The following DSCAM variants were observed in gnomAD, a reference collection of about 807,000 sequenced individuals.
DSCAM encodes the protein cell adhesion molecule DSCAM.
A neutral mutation model predicts 217.7 loss-of-function variants in DSCAM; 47 were observed. The ratio of observed to expected loss-of-function variants is 0.22; its 90% CI spans 0.17 to 0.28. The LOEUF (loss-of-function observed/expected upper bound fraction) is 0.28. Among genes scored for constraint, DSCAM ranks in the 10% least tolerant of loss-of-function variants. The pLI is 1.00. For missense variants in DSCAM, 2,080 were observed against 2,618.3 expected (o/e 0.79, Z 4.49); for synonymous variants, 1,056 against 1,015.3 (o/e 1.04, Z -0.76).
chr21:40,577,871 A>C (rs1483941280), intron 3 of DSCAM, among the ~76,000 whole-genome samples: 1 of 152,148 alleles, frequency 6.6e-6, no homozygotes, highest in African/African-American at 2.4e-5. Flanking sequence ...GGAACTGCGG[A>C]TACAGCTCGC....
intron 8 of DSCAM, among the ~76,000 whole-genome samples, chr21:40,317,114 G>A (rs1196398751): frequency 6.6e-6 from 1 of 152,172 alleles, no homozygotes; most frequent in East Asian, 1.9e-4. Flanking sequence ...GCAGCCACAG[G>A]GCTATTTACT....
chr21:40,187,311 A>C lies in DSCAM; in HGVS notation c.2651-52T>G, dbSNP rs372008786. 1.6e-5 allele frequency: 25 copies of C among 1,604,666 alleles called. No homozygotes were observed. The African/African-American group carries it at 3.2e-4, about 21-fold the overall frequency. ...GTTAGTTCAAACAGAGCTCTGACAT[A>C]AAACGCTAGTGGAAATGCTGAGCGT... On this transcript the variant is annotated intron_variant, in intron 13 of 32. Transcript: ENST00000400454.
intron 1 of DSCAM, among the ~76,000 whole-genome samples, chr21:40,755,215 A>G (rs1321087977): frequency 6.6e-6 from 1 of 152,158 alleles, no homozygotes; most frequent in African/African-American, 2.4e-5. Flanking sequence ...TGGGAGGCAG[A>G]GGTGGGCGGA....
intron 28 of DSCAM, among the ~76,000 whole-genome samples, chr21:40,058,402 T>C (rs534780397): frequency 1.3e-5 from 2 of 152,298 alleles, no homozygotes; most frequent in South Asian, 4.1e-4. Flanking sequence ...CTCTAGCATA[T>C]ACTTAGTTGA....
At position 40,080,192 on chromosome 21, in the gene DSCAM, C is replaced by A. The variant is rs200427833; in HGVS notation, c.4380G>T (p.Gly1460=). The change falls in exon 25 of 33, where the codon GGG becomes GGT. Residue 1460 remains glycine (G), a synonymous_variant. Transcript: ENST00000400454. ...TTGCTTCTATGATTTCACTTATGCGCCCTGGGCCCACTCCATTTTGGGCTG... is the reference window on the plus strand; with the variant it reads ...TTGCTTCTATGATTTCACTTATGCGACCTGGGCCCACTCCATTTTGGGCTG... ...TLTAQNGVGP[G]RISEIIEAKT... is the part of the protein sequence containing the mutation. The A allele has an allele frequency of 4.7e-5, 76 of 1,601,554 alleles. No individual in the cohort carries two copies. Among genetic ancestry groups the A allele is most frequent in the Non-Finnish European group, 6.3e-5 (74 of 1,175,222 alleles).
At chr21:40,760,893 GAATC>G (rs558325754) in intron 1 of DSCAM, among the ~76,000 whole-genome samples, 6 of 152,208 alleles carry the variant, frequency 3.9e-5, no homozygotes, top group Admixed American at 6.5e-5. Context: ...ACCTCACTGA[GAATC>G]AACACGATCA....
chr21:40,543,228 T>C (rs2076555558), intron 3 of DSCAM, among the ~76,000 whole-genome samples: 1 of 152,238 alleles, frequency 6.6e-6, no homozygotes, highest in South Asian at 2.1e-4. Flanking sequence ...TAAAACCTGA[T>C]GTATTCACCT....
chr21:40,594,302 A>G (rs2077005109), intron 3 of DSCAM, among the ~76,000 whole-genome samples: 1 of 152,236 alleles, frequency 6.6e-6, no homozygotes. Flanking sequence ...CTGCAAAGCC[A>G]TGAGTCCCTG....
chr21:40,608,877 C>T (rs1237031471), intron 3 of DSCAM, among the ~76,000 whole-genome samples: 3 of 152,146 alleles, frequency 2.0e-5, no homozygotes, highest in Non-Finnish European at 2.9e-5. Context: ...AGCTACCACT[C>T]GTTTTCACCC....
chr21:40,811,487 G>A (rs1256944593), intron 1 of DSCAM, among the ~76,000 whole-genome samples: 3 of 152,214 alleles, frequency 2.0e-5, no homozygotes, highest in Admixed American at 1.3e-4. Flanking sequence ...GGAAAAGAAA[G>A]TGTGTTCTAA....
At chr21:40,705,519 G>A (rs2090704465) in intron 2 of DSCAM, among the ~76,000 whole-genome samples, 4 of 152,132 alleles carry the variant, frequency 2.6e-5, no homozygotes, top group Admixed American at 2.6e-4. Flanking sequence ...AGTTTCAACT[G>A]CCTGGGGAGG....
At position 40,185,021 on chromosome 21, in the gene DSCAM, C is replaced by T. The variant is rs537455221; in HGVS notation, c.2779+2110G>A. Among the ~76,000 whole-genome samples the T allele has an allele frequency of 7.9e-5, 12 of 152,124 alleles. No homozygotes were observed. The East Asian group carries it at 1.4e-3, about 17-fold the overall frequency. ...ATTGAGTGTCTCCACATGTTGGGTG[C>T]GGTGCTGGGTGTTGGAGAAATGAGC... On this transcript the variant is annotated intron_variant, in intron 14 of 32. Coordinates refer to ENST00000400454, the MANE Select transcript of DSCAM (RefSeq NM_001389.5).
At chr21:40,259,142 TA>T (rs1292860120) in intron 11 of DSCAM, among the ~76,000 whole-genome samples, 4 of 152,222 alleles carry the variant, frequency 2.6e-5, no homozygotes, top group Non-Finnish European at 4.4e-5. Flanking sequence ...TTCATTTTCT[TA>T]AAAGAGAAAA....
intron 3 of DSCAM, among the ~76,000 whole-genome samples, chr21:40,514,302 G>C (rs1488109080): frequency 6.6e-6 from 1 of 152,132 alleles, no homozygotes. Context: ...GAGCCAGGGA[G>C]CCATCCAATG....
intron 3 of DSCAM, among the ~76,000 whole-genome samples, chr21:40,627,840 C>A (rs903214046): frequency 2.6e-5 from 4 of 152,200 alleles, no homozygotes; most frequent in African/African-American, 7.2e-5. Flanking sequence ...AACTTTAAAT[C>A]AGCTGTTTCC....
rs1296574132 is a variant in DSCAM, at chr21:40,102,848, T to C, written c.3697-8974A>G. Among the ~76,000 whole-genome samples the C allele has an allele frequency of 2.0e-5, 3 of 152,358 alleles. No homozygotes were observed. In the East Asian group the frequency reaches 5.8e-4, roughly 29 times the overall value. ...GGCTAAGTCTGCCCTTTGTCTTTCA[T>C]AGCCTTTGCCTTTATTCCACTGTGG... On this transcript the variant is annotated intron_variant, in intron 20 of 32. Transcript: ENST00000400454.
At position 40,013,389 on chromosome 21, in the gene DSCAM, A is replaced by G. The variant is rs773141856; in HGVS notation, c.5687-3T>C. On this transcript the variant is annotated splice_region_variant and splice_polypyrimidine_tract_variant and intron_variant, in intron 32 of 32. Coordinates refer to ENST00000400454, the MANE Select transcript of DSCAM (RefSeq NM_001389.5). Reference sequence around the variant, plus strand: ...TGGAGGCAAATGTATGAGGTCACCTAGAAGGAAAGACAGGGTAGTTAGTTG... The same window carrying G: ...TGGAGGCAAATGTATGAGGTCACCTGGAAGGAAAGACAGGGTAGTTAGTTG... 3.3e-6 allele frequency: 5 copies of G among 1,533,946 alleles called. No individual in the cohort carries two copies. The highest frequency in any genetic ancestry group is 4.4e-6 in the Non-Finnish European group (5 of 1,140,730).
At chr21:40,724,025 T>C (rs1243801782) in intron 1 of DSCAM, among the ~76,000 whole-genome samples, 1 of 152,208 alleles carries the variant, frequency 6.6e-6, no homozygotes, top group African/African-American at 2.4e-5. Context: ...CATATGTGTA[T>C]AGGGAATTCA....
intron 3 of DSCAM, among the ~76,000 whole-genome samples, chr21:40,456,771 T>G (rs1006939963): frequency 3.3e-5 from 5 of 152,288 alleles, no homozygotes; most frequent in African/African-American, 1.2e-4. Flanking sequence ...TTGCATATAT[T>G]GATTGTACAA....
Sources: gnomAD v4.1 joint callset for allele counts (sites outside exome capture counted in the v4.1 genomes callset) on GRCh38, gnomAD v4.1.1 for gene constraint, MANE v1.5 for transcripts, NCBI Gene and HGNC (gene_info 2026-07-23, HGNC 2026-07-21) for gene names.